The following PRKN variants were observed in gnomAD, a reference collection of about 807,000 sequenced individuals.
PRKN encodes E3 ubiquitin-protein ligase parkin.
PRKN carries 56 observed loss-of-function variants against 59.5 expected under a neutral mutation model. That is an observed-to-expected ratio of 0.94 (90% CI 0.76 to 1.18). PRKN has a LOEUF of 1.18. PRKN is among the 50% of genes most tolerant of loss of function. The probability of loss-of-function intolerance (pLI) is 0.00; values close to 1 mark genes in which losing one functional copy is unlikely to be tolerated. For missense variants in PRKN, 657 were observed against 596.4 expected (o/e 1.10, Z -1.06); for synonymous variants, 250 against 222.1 (o/e 1.13, Z -1.12).
chr6:162,429,503 G>T (rs1789407762), intron 2 of PRKN, among the ~76,000 whole-genome samples: 1 of 152,036 alleles, frequency 6.6e-6, no homozygotes, highest in South Asian at 2.1e-4. Context: ...TGGCCCTGGA[G>T]ATTCTACCCG....
At chr6:162,236,269 G>A (rs1778705720) in intron 3 of PRKN, among the ~76,000 whole-genome samples, 1 of 152,130 alleles carries the variant, frequency 6.6e-6, no homozygotes, top group Non-Finnish European at 1.5e-5. Flanking sequence ...ATGATTAGCT[G>A]GATTGCTTGT....
intron 2 of PRKN, among the ~76,000 whole-genome samples, chr6:162,331,882 C>G (rs1328729204): frequency 1.3e-5 from 2 of 152,300 alleles, no homozygotes; most frequent in Middle Eastern, 6.8e-3. Flanking sequence ...CTTGTAGCTT[C>G]CTCCACCATT....
chr6:161,389,560 G>T (rs904941900), intron 9 of PRKN, among the ~76,000 whole-genome samples: 1 of 152,208 alleles, frequency 6.6e-6, no homozygotes, highest in Non-Finnish European at 1.5e-5. Context: ...TGAACTAAAA[G>T]CGAATTCACT....
Position 162,288,595 on chromosome 6 carries a change from T to C in PRKN, c.172-25830A>G, listed in dbSNP as rs556062236. On this transcript the variant is annotated intron_variant, in intron 2 of 11. Transcript: ENST00000366898. ...CTTGAAGAAGCAAGTCATCGTAAGT[T>C]CTACAGCTGCAAGAAAGTGAACTTC... 4.6e-5 allele frequency among the ~76,000 whole-genome samples: 7 copies of C among 152,156 alleles called. No homozygotes were observed. The East Asian group carries it at 1.2e-3, about 25-fold the overall frequency.
intron 6 of PRKN, among the ~76,000 whole-genome samples, chr6:161,792,142 C>T (rs539699832): frequency 1.3e-5 from 2 of 152,286 alleles, no homozygotes; most frequent in South Asian, 2.1e-4. Flanking sequence ...GCATGAGATA[C>T]CCTGAGCAAG....
chr6:162,681,835 G>C (rs1584039677), intron 1 of PRKN, among the ~76,000 whole-genome samples: 1 of 152,066 alleles, frequency 6.6e-6, no homozygotes, highest in African/African-American at 2.4e-5. Context: ...GGTCCAAATA[G>C]ACCCAACTCC....
chr6:161,606,114 T>C (rs1782272612), intron 7 of PRKN, among the ~76,000 whole-genome samples: 1 of 152,160 alleles, frequency 6.6e-6, no homozygotes, highest in Non-Finnish European at 1.5e-5. Flanking sequence ...ATCCCAAAGG[T>C]CTGGGGGAGC....
chr6:162,595,881 T>C (rs1026984358), intron 1 of PRKN, among the ~76,000 whole-genome samples: 12 of 152,164 alleles, frequency 7.9e-5, no homozygotes, highest in Non-Finnish European at 5.9e-5. Flanking sequence ...TCATACTTCA[T>C]AGCAAAGAAA....
In PRKN at chr6:161,503,993, T is replaced by C. The variant is rs73591644; in HGVS notation, c.1083+44861A>G. Among the ~76,000 whole-genome samples the C allele has an allele frequency of 5.2e-3, 788 of 152,346 alleles. 7 individuals carry two copies. The highest frequency in any genetic ancestry group is 0.018 in the African/African-American group (751 of 41,570). Reference sequence around the variant, plus strand: ...TATCCATGATCTGGATTTTCAGCCTTGACTTCTAGTTTATTATGATAGTGT... The same window carrying C: ...TATCCATGATCTGGATTTTCAGCCTCGACTTCTAGTTTATTATGATAGTGT... On this transcript the variant is annotated intron_variant, in intron 9 of 11. Coordinates refer to ENST00000366898, the MANE Select transcript of PRKN (RefSeq NM_004562.3). This position sits in a 1 kb window ranked among gnomAD's most constrained non-coding sequence, Gnocchi z 5.1.
At chr6:162,057,576 TG>T (rs549250665) in intron 4 of PRKN, among the ~76,000 whole-genome samples, 187 of 152,348 alleles carry the variant, frequency 1.2e-3, no homozygotes, top group Middle Eastern at 6.8e-3. Context: ...CTCATTTTTC[TG>T]GCTTAAAGTG....
At chr6:161,521,806 G>A (rs569198561) in intron 9 of PRKN, among the ~76,000 whole-genome samples, 6 of 152,272 alleles carry the variant, frequency 3.9e-5, no homozygotes, top group African/African-American at 1.4e-4. Context: ...GAGCTGAGGT[G>A]AACATTTCTT....
At chr6:162,048,408 TTACCAGAAAAGCACCAC>T (rs1444607151) in intron 5 of PRKN, among the ~76,000 whole-genome samples, 1 of 151,828 alleles carries the variant, frequency 6.6e-6, no homozygotes, top group Non-Finnish European at 1.5e-5. Context: ...GGGCACCTCA[TTACCAGAAAAGCACCAC>T]TGAAACCACA....
At chr6:161,744,527 C>T (rs181355052) in intron 7 of PRKN, among the ~76,000 whole-genome samples, 62 of 152,266 alleles carry the variant, frequency 4.1e-4, no homozygotes, top group African/African-American at 1.4e-3. Context: ...CCCAGGGCTT[C>T]GAGATCCCTG....
chr6:162,539,438 C>G (rs1169808376), intron 1 of PRKN, among the ~76,000 whole-genome samples: 2 of 152,234 alleles, frequency 1.3e-5, no homozygotes, highest in African/African-American at 4.8e-5. Context: ...TTTCAAATGT[C>G]CTTGTCATTT....
intron 1 of PRKN, among the ~76,000 whole-genome samples, chr6:162,578,933 A>G (rs1418443678): frequency 1.3e-5 from 2 of 152,364 alleles, no homozygotes; most frequent in South Asian, 2.1e-4. Flanking sequence ...GGTTGACACA[A>G]AAGTAACTTA....
chr6:162,550,715 T>C (rs1779301975), intron 1 of PRKN, among the ~76,000 whole-genome samples: 1 of 152,176 alleles, frequency 6.6e-6, no homozygotes, highest in Non-Finnish European at 1.5e-5. Context: ...AAGTCTCTGG[T>C]GGATGTGCAA....
chr6:162,548,914 A>G (rs1779225466), intron 1 of PRKN, among the ~76,000 whole-genome samples: 1 of 152,156 alleles, frequency 6.6e-6, no homozygotes, highest in Non-Finnish European at 1.5e-5. Context: ...TGACTAAGGA[A>G]GGTAAAGGGT....
At chr6:162,242,688 A>C (rs1779030818) in intron 3 of PRKN, among the ~76,000 whole-genome samples, 1 of 152,188 alleles carries the variant, frequency 6.6e-6, no homozygotes, top group Non-Finnish European at 1.5e-5. Context: ...AACAACTTTG[A>C]GGTACATCTG....
chr6:162,098,292 T>C (rs1438274173), intron 4 of PRKN, among the ~76,000 whole-genome samples: 1 of 152,148 alleles, frequency 6.6e-6, no homozygotes, highest in African/African-American at 2.4e-5. Context: ...TCCCAAATGT[T>C]ACCTGTGACC....
Sources: allele counts gnomAD v4.1 joint callset (sites outside exome capture counted in the v4.1 genomes callset), GRCh38; gene constraint gnomAD v4.1.1; non-coding constraint Gnocchi (gnomAD v3.1); transcripts MANE v1.5; gene names NCBI Gene and HGNC (gene_info 2026-07-23, HGNC 2026-07-21).